DAAM1: variants seen among roughly 807,000 people sequenced by gnomAD.
DAAM1 encodes the protein disheveled-associated activator of morphogenesis 1.
DAAM1 carries 52 observed loss-of-function variants against 130.0 expected under a neutral mutation model. That is an observed-to-expected ratio of 0.40 (90% CI 0.32 to 0.50). The LOEUF is 0.50. DAAM1 is among the 20% of genes least tolerant of loss of function. The pLI, the probability that DAAM1 is intolerant of heterozygous loss-of-function variation, is 0.61. For missense variants in DAAM1, 1,134 were observed against 1,303.8 expected (o/e 0.87, Z 2.01); for synonymous variants, 452 against 444.5 (o/e 1.02, Z -0.21).
At chr14:59,347,700 T>C in intron 17 of DAAM1, 77 bp downstream of exon 17, 1 of 1,351,340 alleles carries the variant, frequency 7.4e-7, no homozygotes, top group Non-Finnish European at 1.0e-6. Context: ...GAACATCCGG[T>C]TGTTGCTAGT....
In DAAM1 at chr14:59,331,962, T is replaced by C; in HGVS notation, c.1968+42T>C. On this transcript the variant is annotated intron_variant, in intron 15 of 24. Coordinates refer to ENST00000360909, the MANE Select transcript of DAAM1 (RefSeq NM_001270520.2). Reference sequence around the variant, plus strand: ...TCCAGACACCAAAAAGGTAGAAAAATCATGTCTTATGCATGATCTCTGGCC... The same window carrying C: ...TCCAGACACCAAAAAGGTAGAAAAACCATGTCTTATGCATGATCTCTGGCC... The C allele has an allele frequency of 2.6e-6, 4 of 1,530,746 alleles. No individual in the cohort carries two copies. In the South Asian group the frequency reaches 4.5e-5, roughly 17 times the overall value. The allele number at this position is 1,530,746 out of a possible 1,614,324, so 94.8% of individuals were successfully genotyped here. A position where few individuals can be genotyped will look rare whatever the true frequency, so the allele number is the denominator to read the frequency against.
chr14:59,326,625 T>G lies in DAAM1; in HGVS notation c.1290T>G (p.Phe430Leu). Reference sequence around the variant, plus strand: ...CTGACTCCACACCTTTGGAAAACTTTAATATTAAGAATGTCGTACGAATGT... The same window carrying G: ...CTGACTCCACACCTTTGGAAAACTTGAATATTAAGAATGTCGTACGAATGT... ...QDPDSTPLEN[F>L]NIKNVVRMLV... The change falls in exon 11 of 25, where the codon TTT becomes TTG. Residue 430 changes from phenylalanine (F) to leucine (L), a missense_variant. By Grantham distance (22) the Phe-to-Leu change is conservative. Around this residue, in one of 3 missense-constraint regions of DAAM1, gnomAD observed 391 missense variants for 521.6 expected, o/e 0.75. Coordinates refer to ENST00000360909, the MANE Select transcript of DAAM1 (RefSeq NM_001270520.2). The G allele has an allele frequency of 6.2e-7, 1 of 1,613,504 alleles. No individual in the cohort carries two copies. Among genetic ancestry groups the G allele is most frequent in the Non-Finnish European group, 8.5e-7 (1 of 1,179,836 alleles).
intron 1 of DAAM1, among the ~76,000 whole-genome samples, chr14:59,194,952 T>C (rs1166059375): frequency 1.3e-5 from 2 of 152,198 alleles, no homozygotes; most frequent in East Asian, 3.8e-4. Context: ...TTAGACAATA[T>C]TTAATGAAGA....
chr14:59,344,442 C>A (rs1341313578), intron 16 of DAAM1, among the ~76,000 whole-genome samples: 2 of 152,190 alleles, frequency 1.3e-5, no homozygotes, highest in African/African-American at 4.8e-5. Context: ...TCTGGCACTT[C>A]AGAACACTGC....
At chr14:59,257,645 C>T (rs1442323766) in intron 1 of DAAM1, among the ~76,000 whole-genome samples, 14 of 152,088 alleles carry the variant, frequency 9.2e-5, no homozygotes, top group Non-Finnish European at 1.8e-4. Flanking sequence ...AGATGTGGGC[C>T]GGAAAATAAA....
intron 21 of DAAM1, among the ~76,000 whole-genome samples, chr14:59,359,864 C>G (rs1886637490): frequency 6.6e-6 from 1 of 152,154 alleles, no homozygotes; most frequent in African/African-American, 2.4e-5. Context: ...TCCCAGAAAC[C>G]AAGGCGGCTC....
At chr14:59,313,025 A>G (rs1745146597) in intron 3 of DAAM1, among the ~76,000 whole-genome samples, 2 of 152,254 alleles carry the variant, frequency 1.3e-5, no homozygotes, top group African/African-American at 4.8e-5. Flanking sequence ...CCTCCTAAGA[A>G]AAAGGGAAGA....
At chr14:59,237,330 G>A (rs1889335643) in intron 1 of DAAM1, among the ~76,000 whole-genome samples, 1 of 152,106 alleles carries the variant, frequency 6.6e-6, no homozygotes, top group Non-Finnish European at 1.5e-5. Context: ...ACATATTAGA[G>A]GCTGTTGAAA....
At chr14:59,300,564 GA>G (rs1884130818) in intron 3 of DAAM1, among the ~76,000 whole-genome samples, 1 of 152,030 alleles carries the variant, frequency 6.6e-6, no homozygotes, top group African/African-American at 2.4e-5. Flanking sequence ...TTTTTATTGT[GA>G]AAACGTTAAA....
chr14:59,354,015 T>A, intron 19 of DAAM1, 51 bp downstream of exon 19: 1 of 1,566,762 alleles, frequency 6.4e-7, no homozygotes, highest in Non-Finnish European at 8.7e-7. Context: ...TACAACCCAT[T>A]TAAAAGTGCA....
At position 59,340,161 on chromosome 14, in the gene DAAM1, T is replaced by C. The variant is rs1308602920; in HGVS notation, c.2056T>C (p.Cys686Arg). ...SVIDGRRAQN[C>R]NILLSRLKLS... ...GATTGATGGTCGGAGAGCTCAGAAT[T>C]GCAACATCCTTCTATCGAGGTATTG... Residue 686 changes from cysteine to arginine, a missense_variant, in exon 16 of 25, where the codon TGC (cysteine) becomes CGC (arginine). Transcript: ENST00000360909. 6.2e-7 allele frequency: 1 copy of C among 1,613,126 alleles called. No homozygotes were observed. The highest frequency in any genetic ancestry group is 8.5e-7 in the Non-Finnish European group (1 of 1,179,432).
At chr14:59,249,276 A>G (rs774884139) in intron 1 of DAAM1, among the ~76,000 whole-genome samples, 3 of 152,226 alleles carry the variant, frequency 2.0e-5, no homozygotes, top group Non-Finnish European at 4.4e-5. Flanking sequence ...CTTCATAGGC[A>G]TGTTCCATTG....
chr14:59,218,013 G>A (rs905179592), intron 1 of DAAM1, among the ~76,000 whole-genome samples: 30 of 151,700 alleles, frequency 2.0e-4, no homozygotes, highest in Non-Finnish European at 4.0e-4. Flanking sequence ...TGTGCATGTA[G>A]TCCCAGCTAT....
At position 59,289,796 on chromosome 14, in the gene DAAM1, T is replaced by G. The variant is rs1299381704; in HGVS notation, c.184-1421T>G. On this transcript the variant is annotated intron_variant, in intron 2 of 24. Coordinates refer to ENST00000360909, the MANE Select transcript of DAAM1 (RefSeq NM_001270520.2). Reference sequence around the variant, plus strand: ...TATATATATATATAATGGAATGCTATGCAATCATAAAAGGAACAAGATCAT... The same window carrying G: ...TATATATATATATAATGGAATGCTAGGCAATCATAAAAGGAACAAGATCAT... Among the ~76,000 whole-genome samples the G allele has an allele frequency of 2.8e-4, 22 of 78,132 alleles. No individual in the cohort carries two copies. The Admixed American group carries it at 3.4e-3, about 12-fold the overall frequency. 51.3% of individuals were successfully genotyped at this position (78,132 alleles called of 152,430 possible). A position where few individuals can be genotyped will look rare whatever the true frequency, so the allele number is the denominator to read the frequency against.
At chr14:59,290,168 T>G (rs928456138) in intron 2 of DAAM1, among the ~76,000 whole-genome samples, 1 of 152,226 alleles carries the variant, frequency 6.6e-6, no homozygotes, top group Non-Finnish European at 1.5e-5. Flanking sequence ...AATTAAGTTC[T>G]TGTTAAACAC....
rs1276927679 is a variant in DAAM1 at position 59,368,716 on chromosome 14, G to A, written c.3064G>A (p.Glu1022Lys). 1.2e-6 allele frequency: 2 copies of A among 1,613,956 alleles called. No homozygotes were observed. Among genetic ancestry groups the A allele is most frequent in the Non-Finnish European group, 8.5e-7 (1 of 1,179,914 alleles). ...KAKENSEESG[E>K]FDDLVSALRS... The stretch of plus-strand genomic sequence containing the variant: ...TAAAGAGAATAGTGAAGAAAGCGGA[G>A]AGTTTGATGACCTTGTTTCAGCTTT... The change falls in exon 25 of 25, where the codon GAG becomes AAG. Residue 1022 changes from glutamate to lysine, a missense_variant. By Grantham distance (56) the Glu-to-Lys change is moderately conservative (BLOSUM62 1). This residue lies in a region of DAAM1 where 644 missense variants were observed against 695.9 expected (regional missense o/e 0.93). Coordinates refer to ENST00000360909, the MANE Select transcript of DAAM1 (RefSeq NM_001270520.2).
intron 15 of DAAM1, among the ~76,000 whole-genome samples, chr14:59,337,273 G>T (rs10873114): frequency 0.22 from 33,912 of 152,166 alleles, 3,944 homozygotes; most frequent in African/African-American, 0.29. Flanking sequence ...CAACTTGGCA[G>T]TTATAACAGA....
intron 21 of DAAM1, among the ~76,000 whole-genome samples, chr14:59,360,279 G>A (rs1324566124): frequency 2.0e-5 from 3 of 152,122 alleles, no homozygotes; most frequent in Non-Finnish European, 4.4e-5. Flanking sequence ...TTAAAAAAAA[G>A]ATGAAAATAA....
At chr14:59,294,314 A>G (rs949086818) in intron 3 of DAAM1, among the ~76,000 whole-genome samples, 1 of 152,242 alleles carries the variant, frequency 6.6e-6, no homozygotes, top group Non-Finnish European at 1.5e-5. Context: ...TATCAAGCTC[A>G]GTGTTCATTT....
Sources: allele counts gnomAD v4.1 joint callset (sites outside exome capture counted in the v4.1 genomes callset), GRCh38; gene constraint gnomAD v4.1.1; regional missense constraint gnomAD v4.1.1; transcripts MANE v1.5; gene names NCBI Gene and HGNC (gene_info 2026-07-23, HGNC 2026-07-21).